The following DLG2 variants were observed in gnomAD, a reference collection of about 807,000 sequenced individuals.
The protein encoded by DLG2 is disks large homolog 2.
DLG2 carries 45 observed loss-of-function variants against 132.5 expected under a neutral mutation model. The observed-to-expected ratio is 0.34, with a 90% confidence interval of 0.27 to 0.44. The LOEUF is 0.44. Among genes scored for constraint, DLG2 ranks in the 20% least tolerant of loss-of-function variants. The pLI is 1.00. For synonymous variants in DLG2, 424 were observed against 419.6 expected (o/e 1.01, Z -0.13); for missense variants, 1,045 against 1,196.9 (o/e 0.87, Z 1.87).
intron 4 of DLG2, among the ~76,000 whole-genome samples, chr11:85,155,651 C>T (rs1406281753): frequency 6.6e-6 from 1 of 152,068 alleles, no homozygotes; most frequent in Non-Finnish European, 1.5e-5. Context: ...GGATGGATCA[C>T]CTGAGGTCAG....
chr11:84,189,315 G>T (rs2096354182), intron 8 of DLG2, among the ~76,000 whole-genome samples: 1 of 152,144 alleles, frequency 6.6e-6, no homozygotes, highest in Non-Finnish European at 1.5e-5. Context: ...TTATTAAAAA[G>T]TGAAAACACA....
chr11:84,895,130 T>G (rs12276815), intron 6 of DLG2, among the ~76,000 whole-genome samples: 14,432 of 152,254 alleles, frequency 0.095, 886 homozygotes, highest in African/African-American at 0.18. Context: ...TTACTCAACT[T>G]ATTTACATGA....
intron 21 of DLG2, among the ~76,000 whole-genome samples, chr11:83,521,051 C>T (rs1468432240): frequency 1.3e-5 from 2 of 152,318 alleles, no homozygotes; most frequent in East Asian, 3.9e-4. Flanking sequence ...GCTCAGGCGT[C>T]CTTGTTTTCC....
intron 11 of DLG2, among the ~76,000 whole-genome samples, chr11:83,996,588 T>C (rs2094037775): frequency 6.6e-6 from 1 of 152,166 alleles, no homozygotes; most frequent in South Asian, 2.1e-4. Flanking sequence ...AACAGATGAA[T>C]GGATACAGAA....
intron 18 of DLG2, among the ~76,000 whole-genome samples, chr11:83,774,108 C>A (rs569451697): frequency 3.9e-4 from 59 of 152,292 alleles, no homozygotes; most frequent in Non-Finnish European, 7.1e-4. Flanking sequence ...CTCCTGCCAT[C>A]CCTCTGCCAG....
At chr11:84,063,337 A>C (rs915657755) in intron 10 of DLG2, among the ~76,000 whole-genome samples, 9 of 152,230 alleles carry the variant, frequency 5.9e-5, no homozygotes, top group Non-Finnish European at 8.8e-5. Flanking sequence ...ATTCCTTGCC[A>C]AAAATATTTT....
At chr11:84,029,480 A>G (rs2095632339) in intron 11 of DLG2, among the ~76,000 whole-genome samples, 1 of 152,132 alleles carries the variant, frequency 6.6e-6, no homozygotes, top group African/African-American at 2.4e-5. Flanking sequence ...AAAATGGGAC[A>G]TGGGTAGGAA....
chr11:85,177,000 G>C (rs779729353), intron 4 of DLG2, among the ~76,000 whole-genome samples: 2 of 152,242 alleles, frequency 1.3e-5, no homozygotes, highest in African/African-American at 2.4e-5. Flanking sequence ...ACTTTACACT[G>C]TGGGTGGGAG....
chr11:84,329,587 G>A (rs1379597694), intron 7 of DLG2, among the ~76,000 whole-genome samples: 1 of 152,186 alleles, frequency 6.6e-6, no homozygotes, highest in East Asian at 1.9e-4. Context: ...ACAGAACTGT[G>A]AGTCAATTAA....
At chr11:84,388,275 A>T (rs1463402887) in intron 7 of DLG2, among the ~76,000 whole-genome samples, 1 of 152,190 alleles carries the variant, frequency 6.6e-6, no homozygotes, top group Non-Finnish European at 1.5e-5. Context: ...CTATTGCGTG[A>T]TCTAAACTAA....
chr11:83,492,523 T>G (rs774792155), intron 21 of DLG2, among the ~76,000 whole-genome samples: 20 of 151,976 alleles, frequency 1.3e-4, no homozygotes, highest in South Asian at 1.0e-3. Context: ...CTATCTTTAC[T>G]TAGATATCTA....
intron 6 of DLG2, among the ~76,000 whole-genome samples, chr11:84,601,521 A>G (rs78316352): frequency 0.038 from 5,816 of 152,150 alleles, 165 homozygotes; most frequent in Non-Finnish European, 0.059. Context: ...TGAAGAGAGC[A>G]TGACTTATGA....
At chr11:84,211,098 T>C (rs566169614) in intron 8 of DLG2, among the ~76,000 whole-genome samples, 33 of 152,206 alleles carry the variant, frequency 2.2e-4, no homozygotes, top group Non-Finnish European at 4.6e-4. Flanking sequence ...TAGAAACAGA[T>C]ATAACAGAAA....
intron 7 of DLG2, among the ~76,000 whole-genome samples, chr11:84,375,622 C>T (rs889058265): frequency 4.0e-5 from 6 of 151,730 alleles, no homozygotes; most frequent in Admixed American, 2.0e-4. Context: ...TGACTTTATC[C>T]GTTTTAGTAT....
chr11:84,558,775 A>G (rs1381636574), intron 6 of DLG2, among the ~76,000 whole-genome samples: 2 of 152,124 alleles, frequency 1.3e-5, no homozygotes, highest in Non-Finnish European at 1.5e-5. Flanking sequence ...CATAGTTCAC[A>G]TTTCCATGAC....
At chr11:83,990,990 C>CA (rs1303465995) in intron 11 of DLG2, among the ~76,000 whole-genome samples, 2 of 151,960 alleles carry the variant, frequency 1.3e-5, no homozygotes, top group East Asian at 1.9e-4. Flanking sequence ...TAAAAAACAA[C>CA]AAAAAAACCC....
intron 7 of DLG2, among the ~76,000 whole-genome samples, chr11:84,308,928 T>C (rs2098259762): frequency 6.6e-6 from 1 of 151,870 alleles, no homozygotes; most frequent in Admixed American, 6.5e-5. Flanking sequence ...CCTCCACACC[T>C]CTCTGCAAGC....
intron 7 of DLG2, among the ~76,000 whole-genome samples, chr11:84,258,766 G>A (rs984366812): frequency 6.6e-6 from 1 of 152,028 alleles, no homozygotes; most frequent in Non-Finnish European, 1.5e-5. Flanking sequence ...TTTTCTAGGC[G>A]ACCAGACTGA....
At chr11:85,417,995 T>C (rs2090005037) in intron 3 of DLG2, among the ~76,000 whole-genome samples, 1 of 152,054 alleles carries the variant, frequency 6.6e-6, no homozygotes, top group Admixed American at 6.6e-5. Context: ...GAATTTGTTT[T>C]CTCTTGTTCT....
Sources: allele counts gnomAD v4.1 joint callset (sites outside exome capture counted in the v4.1 genomes callset), GRCh38; gene constraint gnomAD v4.1.1; transcripts MANE v1.5; gene names NCBI Gene and HGNC (gene_info 2026-07-23, HGNC 2026-07-21).